Variants in GABRG3 observed in about 807,000 individuals in gnomAD.
GABRG3 encodes the protein gamma-aminobutyric acid type A receptor subunit gamma3.
GABRG3 carries 25 observed loss-of-function variants against 48.8 expected under a neutral mutation model. The ratio of observed to expected loss-of-function variants is 0.51; its 90% CI spans 0.37 to 0.72. The LOEUF is 0.72. GABRG3 is among the 30% of genes least tolerant of loss of function. The probability of loss-of-function intolerance (pLI) is 0.00; values close to 1 mark genes in which losing one functional copy is unlikely to be tolerated. For missense variants in GABRG3, 394 were observed against 577.9 expected (o/e 0.68, Z 3.26); for synonymous variants, 227 against 217.6 (o/e 1.04, Z -0.38).
chr15:27,113,700 T>C (rs1305422019), intron 3 of GABRG3, among the ~76,000 whole-genome samples: 1 of 152,176 alleles, frequency 6.6e-6, no homozygotes, highest in African/African-American at 2.4e-5. Flanking sequence ...GTATTCACTT[T>C]TAAGTGAAAT....
rs528280057 is a variant in GABRG3 at position 27,466,415 on chromosome 15, G to A, written c.575-14235G>A. On this transcript the variant is annotated intron_variant, in intron 5 of 9. Transcript: ENST00000615808. Reference sequence around the variant, plus strand: ...AATCAGTAAAATTATTATTATACTTGGACACATTAACAACTACAGACAAGA... The same window carrying A: ...AATCAGTAAAATTATTATTATACTTAGACACATTAACAACTACAGACAAGA... 2.4e-4 allele frequency among the ~76,000 whole-genome samples: 37 copies of A among 152,138 alleles called. No homozygotes were observed. The East Asian group carries it at 3.1e-3, about 13-fold the overall frequency.
At chr15:27,484,783 G>A (rs1462425685) in intron 6 of GABRG3, among the ~76,000 whole-genome samples, 5 of 151,984 alleles carry the variant, frequency 3.3e-5, no homozygotes, top group Admixed American at 2.6e-4. Flanking sequence ...ATCAACAGAC[G>A]CCAACTAAAA....
chr15:27,242,525 A>T (rs1226312078), intron 3 of GABRG3, among the ~76,000 whole-genome samples: 6 of 152,236 alleles, frequency 3.9e-5, no homozygotes, highest in South Asian at 2.1e-4. Flanking sequence ...TGATATTTTT[A>T]AAAAATGAGC....
chr15:27,162,495 T>C (rs1037602358), intron 3 of GABRG3, among the ~76,000 whole-genome samples: 2 of 152,114 alleles, frequency 1.3e-5, no homozygotes, highest in Non-Finnish European at 2.9e-5. Flanking sequence ...TTGGGCTAGA[T>C]GGAATGGTAG....
chr15:27,410,953 C>T (rs985969652), intron 5 of GABRG3, among the ~76,000 whole-genome samples: 5 of 150,860 alleles, frequency 3.3e-5, no homozygotes, highest in South Asian at 4.2e-4. Flanking sequence ...TTCTAAAGTT[C>T]GTCTTTCACA....
chr15:27,139,358 G>GGA (rs369147863), intron 3 of GABRG3, among the ~76,000 whole-genome samples: 63 of 151,882 alleles, frequency 4.1e-4, no homozygotes, highest in African/African-American at 9.4e-4. Flanking sequence ...AGGAGCTTCA[G>GGA]GAGAGAGAGA....
At position 27,282,845 on chromosome 15, in the gene GABRG3, A is replaced by G. The variant is rs117838245; in HGVS notation, c.271-43964A>G. ...ATTATGCGATGAAACTGGATCTTCT[A>G]CCTCATCAGTCCTCTGCTAAAATCG... On this transcript the variant is annotated intron_variant, in intron 3 of 9. Coordinates refer to ENST00000615808, the MANE Select transcript of GABRG3 (RefSeq NM_033223.5). Among the ~76,000 whole-genome samples, 40 of 152,044 alleles carry G rather than the reference A, an allele frequency of 2.6e-4. No homozygotes were observed. The East Asian group carries it at 7.6e-3, about 29-fold the overall frequency.
At chr15:27,339,240 G>A (rs936214036) in intron 5 of GABRG3, among the ~76,000 whole-genome samples, 12 of 152,376 alleles carry the variant, frequency 7.9e-5, no homozygotes, top group Admixed American at 5.2e-4. Context: ...TGAGGGCGGA[G>A]CCTACCAGAC....
At position 27,045,826 on chromosome 15, in the gene GABRG3, G is replaced by A. The variant is rs190861753; in HGVS notation, c.270+19005G>A. ...TGCCCAGGTCTTTCCTCCGGAGGCA[G>A]CGTGGGCTCTGCAAGGCCACCTGTC... On this transcript the variant is annotated intron_variant, in intron 3 of 9. Transcript: ENST00000615808. 5.6e-4 allele frequency among the ~76,000 whole-genome samples: 86 copies of A among 152,342 alleles called. 3 individuals carry two copies. The highest frequency in any genetic ancestry group is 5.0e-3 in the Admixed American group (77 of 15,310).
intron 5 of GABRG3, among the ~76,000 whole-genome samples, chr15:27,379,083 T>C (rs1194805974): frequency 6.6e-6 from 1 of 152,202 alleles, no homozygotes; most frequent in African/African-American, 2.4e-5. Flanking sequence ...CATCCTAAAG[T>C]TCCAAAGAAG....
chr15:27,465,208 C>T (rs1435596181), intron 5 of GABRG3, among the ~76,000 whole-genome samples: 1 of 152,192 alleles, frequency 6.6e-6, no homozygotes, highest in African/African-American at 2.4e-5. Flanking sequence ...CCATTTTTCT[C>T]CCATTTGATG....
chr15:27,057,459 T>A (rs899187885), intron 3 of GABRG3, among the ~76,000 whole-genome samples: 2 of 152,140 alleles, frequency 1.3e-5, no homozygotes, highest in African/African-American at 4.8e-5. Context: ...TGCCTGAGAT[T>A]TATTAAAACA....
At chr15:27,418,454 C>A (rs12442309) in intron 5 of GABRG3, among the ~76,000 whole-genome samples, 40 of 152,094 alleles carry the variant, frequency 2.6e-4, no homozygotes, top group Admixed American at 2.1e-3. Context: ...GGGAGTTACC[C>A]GAAAGCAGCA....
chr15:27,028,077 G>A (rs1396562085), intron 3 of GABRG3, among the ~76,000 whole-genome samples: 2 of 152,124 alleles, frequency 1.3e-5, no homozygotes, highest in African/African-American at 4.8e-5. Flanking sequence ...AATTTACTTT[G>A]TGCCTCGTGT....
chr15:27,172,667 A>G (rs1887611631), intron 3 of GABRG3, among the ~76,000 whole-genome samples: 1 of 152,156 alleles, frequency 6.6e-6, no homozygotes, highest in Non-Finnish European at 1.5e-5. Flanking sequence ...TAGTTAATAC[A>G]TAACGGCCAA....
In GABRG3 at chr15:27,466,924, G is replaced by A. The variant is rs571570976; in HGVS notation, c.575-13726G>A. 2.4e-4 allele frequency among the ~76,000 whole-genome samples: 36 copies of A among 152,314 alleles called. No homozygotes were observed. The East Asian group carries it at 3.1e-3, about 13-fold the overall frequency. ...TATGGTATTTTGAGTAAGGGATGTAGTTTTTATGTTTTTTGGCAGCACAAT... is the reference window on the plus strand; with the variant it reads ...TATGGTATTTTGAGTAAGGGATGTAATTTTTATGTTTTTTGGCAGCACAAT... On this transcript the variant is annotated intron_variant, in intron 5 of 9. Transcript: ENST00000615808.
rs1409734169 is a variant in GABRG3 at position 27,522,808 on chromosome 15, G to A, written c.865+2684G>A. Among the ~76,000 whole-genome samples the A allele has an allele frequency of 2.0e-5, 3 of 151,692 alleles. No individual in the cohort carries two copies. The East Asian group carries it at 5.8e-4, about 29-fold the overall frequency. ...CTAGTATTAGAGCTTCATATTAAAA[G>A]CAACAAAAACTGAGAAGAGGATAAA... On this transcript the variant is annotated intron_variant, in intron 7 of 9. Coordinates refer to ENST00000615808, the MANE Select transcript of GABRG3 (RefSeq NM_033223.5).
At chr15:27,167,399 A>T (rs1251091712) in intron 3 of GABRG3, among the ~76,000 whole-genome samples, 1 of 152,190 alleles carries the variant, frequency 6.6e-6, no homozygotes, top group Non-Finnish European at 1.5e-5. Context: ...GAGAAAGAGC[A>T]CCCAAGGTGC....
rs184580681 is a variant in GABRG3 at position 27,401,999 on chromosome 15, A to C, written c.574+73111A>C. On this transcript the variant is annotated intron_variant, in intron 5 of 9. Transcript: ENST00000615808. ...ATTTTGACACTGTCAGGGATTTTTA[A>C]AAACATAGCTGGTAACCCCATTATT... is the stretch of plus-strand genomic sequence containing the variant. 1.3e-4 allele frequency among the ~76,000 whole-genome samples: 20 copies of C among 152,344 alleles called. 1 individual carries two copies. The highest frequency in any genetic ancestry group is 4.8e-4 in the African/African-American group (20 of 41,590).
Sources: gnomAD v4.1 joint callset for allele counts (sites outside exome capture counted in the v4.1 genomes callset) on GRCh38, gnomAD v4.1.1 for gene constraint, MANE v1.5 for transcripts, NCBI Gene and HGNC (gene_info 2026-07-23, HGNC 2026-07-21) for gene names.